The following PDE9A variants were observed in gnomAD, a reference collection of about 807,000 sequenced individuals.
PDE9A encodes the protein phosphodiesterase 9A, also known as high affinity cGMP-specific 3',5'-cyclic phosphodiesterase 9A.
A neutral mutation model predicts 87.4 loss-of-function variants in PDE9A; 60 were observed. That is an observed-to-expected ratio of 0.69 (90% confidence interval 0.56 to 0.85). The LOEUF (loss-of-function observed/expected upper bound fraction) is 0.85. Ranked by LOEUF, PDE9A falls within the 40% of genes least tolerant of loss-of-function variation. PDE9A has a pLI of 0.00. For missense variants in PDE9A, 665 were observed against 779.0 expected (o/e 0.85, Z 1.74); for synonymous variants, 272 against 279.4 (o/e 0.97, Z 0.27).
At chr21:42,684,989 A>G (rs1465474707) in intron 1 of PDE9A, among the ~76,000 whole-genome samples, 1 of 152,218 alleles carries the variant, frequency 6.6e-6, no homozygotes, top group Non-Finnish European at 1.5e-5. Flanking sequence ...GCTTAAAAAA[A>G]AAAAAAATGG....
At chr21:42,741,063 G>T (rs73362678) in intron 7 of PDE9A, 1 of 152,166 alleles carries the variant, frequency 6.6e-6, no homozygotes, top group Admixed American at 6.5e-5. Context: ...AGTCTACACC[G>T]CATGCCCAAC....
At chr21:42,682,636 C>T (rs2059230854) in intron 1 of PDE9A, among the ~76,000 whole-genome samples, 1 of 152,250 alleles carries the variant, frequency 6.6e-6, no homozygotes, top group Admixed American at 6.5e-5. Flanking sequence ...CCTCTCTTCT[C>T]AAGGCCCCCA....
chr21:42,769,535 CAGGCACACAAA>C (rs1322283283), intron 17 of PDE9A, among the ~76,000 whole-genome samples: 7 of 133,832 alleles, frequency 5.2e-5, no homozygotes, highest in African/African-American at 1.2e-4. Context: ...CAGGCACACA[CAGGCACACAAA>C]TGCACACACA....
Position 42,772,529 on chromosome 21 carries a change from T to C in PDE9A, c.1768+9T>C. 1 of 1,578,244 alleles carries C rather than the reference T, an allele frequency of 6.3e-7. No homozygotes were observed. Among genetic ancestry groups the C allele is most frequent in the African/African-American group, 1.3e-5 (1 of 74,380 alleles). ...TGTGAAAAACAGTGAAGGTAATGCT[T>C]GCTCTGCTGAAGTGGCATCTCAGCG... On this transcript the variant is annotated intron_variant, in intron 19 of 19. Transcript: ENST00000291539.
At chr21:42,769,659 CAT>C (rs1331214012) in intron 17 of PDE9A, among the ~76,000 whole-genome samples, 1 of 145,522 alleles carries the variant, frequency 6.9e-6, no homozygotes. Flanking sequence ...CACAGGCACA[CAT>C]AGGCACACAA....
At chr21:42,686,518 G>A (rs559801580) in intron 2 of PDE9A, among the ~76,000 whole-genome samples, 1 of 152,352 alleles carries the variant, frequency 6.6e-6, no homozygotes, top group East Asian at 1.9e-4. Context: ...GCCCTCCTAA[G>A]AGTGTGGGTT....
chr21:42,768,712 T>C, intron 16 of PDE9A: 1 of 985,350 alleles, frequency 1.0e-6, no homozygotes, highest in Non-Finnish European at 1.2e-6. Context: ...AACCACCAAA[T>C]ATTAATACAA....
At chr21:42,735,208 C>T (rs2052272783) in intron 7 of PDE9A, among the ~76,000 whole-genome samples, 1 of 152,238 alleles carries the variant, frequency 6.6e-6, no homozygotes, top group Non-Finnish European at 1.5e-5. Flanking sequence ...CCAGATGCGG[C>T]ACCAGCTCCC....
At chr21:42,670,751 ACT>A (rs1385580207) in intron 1 of PDE9A, among the ~76,000 whole-genome samples, 4 of 144,528 alleles carry the variant, frequency 2.8e-5, no homozygotes, top group South Asian at 2.2e-4. Context: ...ACACACATAC[ACT>A]CACATTCACA....
intron 3 of PDE9A, chr21:42,689,633 C>T (rs2059678621): frequency 5.1e-6 from 5 of 985,260 alleles, no homozygotes; most frequent in African/African-American, 1.7e-5. Flanking sequence ...TTAAACTCGG[C>T]GGGAAATAGG....
chr21:42,760,508 C>G lies in PDE9A; in HGVS notation c.1002+76C>G. 2 of 889,600 alleles carry G rather than the reference C, an allele frequency of 2.2e-6. No homozygotes were observed. The highest frequency in any genetic ancestry group is 3.6e-6 in the Non-Finnish European group (2 of 560,872). 55.1% of individuals were successfully genotyped at this position (889,600 alleles called of 1,614,324 possible). On this transcript the variant is annotated intron_variant, in intron 12 of 19. Coordinates refer to ENST00000291539, the MANE Select transcript of PDE9A (RefSeq NM_002606.3). The surrounding 1 kb of genome is among the most constrained non-coding windows in gnomAD (Gnocchi z 5.2). ...GAGGCCCCCTTCCAGGGAGCGGCAG[C>G]CCCATCCCACCAAGAGAGCCACAGG...
chr21:42,667,912 C>T (rs2058117007), intron 1 of PDE9A, among the ~76,000 whole-genome samples: 3 of 152,262 alleles, frequency 2.0e-5, no homozygotes, highest in Admixed American at 2.0e-4. Context: ...GTGGAATCTC[C>T]CCTCCCTTAT....
chr21:42,759,516 A>G lies in PDE9A; in HGVS notation c.897+431A>G, dbSNP rs2147085454. Among the ~76,000 whole-genome samples, 1 of 131,650 alleles carries G rather than the reference A, an allele frequency of 7.6e-6. No individual in the cohort carries two copies. Among genetic ancestry groups the G allele is most frequent in the Non-Finnish European group, 1.6e-5 (1 of 61,334 alleles). 86.4% of individuals were successfully genotyped at this position (131,650 alleles called of 152,430 possible). Reference sequence around the variant, plus strand: ...TGTTTGTGAGTGGGTGTGTGGATGTAAATGTGTGGGAGCGTGTGTGTGTGT... The same window carrying G: ...TGTTTGTGAGTGGGTGTGTGGATGTGAATGTGTGGGAGCGTGTGTGTGTGT... On this transcript the variant is annotated intron_variant, in intron 11 of 19. Coordinates refer to ENST00000291539, the MANE Select transcript of PDE9A (RefSeq NM_002606.3). This position sits in a 1 kb window ranked among gnomAD's most constrained non-coding sequence, Gnocchi z 7.2.
intron 4 of PDE9A, among the ~76,000 whole-genome samples, chr21:42,713,261 G>T (rs1569187452): frequency 2.0e-5 from 3 of 151,902 alleles, no homozygotes; most frequent in Admixed American, 6.6e-5. Flanking sequence ...CAGCCTCCCG[G>T]GTAGCTGGGA....
At chr21:42,655,104 T>TCTCA (rs964924508) in intron 1 of PDE9A, among the ~76,000 whole-genome samples, 5 of 150,628 alleles carry the variant, frequency 3.3e-5, no homozygotes, top group African/African-American at 1.2e-4. Context: ...GCATGCACAC[T>TCTCA]CACACACACA....
chr21:42,704,372 T>A lies in PDE9A; in HGVS notation c.262+5361T>A, dbSNP rs1236825059. Among the ~76,000 whole-genome samples the A allele has an allele frequency of 6.6e-6, 1 of 151,684 alleles. No individual in the cohort carries two copies. Among genetic ancestry groups the A allele is most frequent in the African/African-American group, 2.4e-5 (1 of 41,208 alleles). ...GGACCCCGCTCTCCAAATAGGCCAG[T>A]GTTCCAGGCTTTTCTTTAGGAGACA... On this transcript the variant is annotated intron_variant, in intron 4 of 19. Transcript: ENST00000291539. The surrounding 1 kb of genome is among the most constrained non-coding windows in gnomAD (Gnocchi z 5.3).
intron 4 of PDE9A, chr21:42,700,605 CCTTCCCTGCTCT>C (rs1416210516): frequency 2.0e-5 from 3 of 152,208 alleles, no homozygotes; most frequent in Admixed American, 2.0e-4. Flanking sequence ...CTGTTGATCT[CCTTCCCTGCTCT>C]TCTTTGAAAG....
In PDE9A at chr21:42,722,030, C is replaced by T. The variant is rs1275863006; in HGVS notation, c.263-9740C>T. 6.6e-6 allele frequency among the ~76,000 whole-genome samples: 1 copy of T among 151,068 alleles called. No individual in the cohort carries two copies. ...CTTGCTCTGTCACCAGGCTGGAGTG[C>T]AGTGGCACAATCTCAGCTCACTGCA... On this transcript the variant is annotated intron_variant, in intron 4 of 19. Coordinates refer to ENST00000291539, the MANE Select transcript of PDE9A (RefSeq NM_002606.3). The surrounding 1 kb of genome is among the most constrained non-coding windows in gnomAD (Gnocchi z 4.1).
At chr21:42,672,457 G>A (rs1002240210) in intron 1 of PDE9A, among the ~76,000 whole-genome samples, 1 of 152,226 alleles carries the variant, frequency 6.6e-6, no homozygotes, top group African/African-American at 2.4e-5. Flanking sequence ...TTGTGGTTGT[G>A]GCATGGGCAT....
Sources: gnomAD v4.1 joint callset for allele counts (sites outside exome capture counted in the v4.1 genomes callset) on GRCh38, gnomAD v4.1.1 for gene constraint, Gnocchi (gnomAD v3.1) non-coding constraint, MANE v1.5 for transcripts, NCBI Gene and HGNC (gene_info 2026-07-23, HGNC 2026-07-21) for gene names.